Variants in MAP2 observed in about 807,000 individuals in gnomAD.
The protein encoded by MAP2 is microtubule-associated protein 2.
Under a neutral mutation model 137.6 loss-of-function variants are expected in MAP2, and 14 were observed. That is an observed-to-expected ratio of 0.10 (90% CI 0.07 to 0.16). The LOEUF (loss-of-function observed/expected upper bound fraction) is 0.16. MAP2 is among the 10% of genes least tolerant of loss of function. The pLI is 1.00. For missense variants in MAP2, 2,088 were observed against 2,191.5 expected (o/e 0.95, Z 0.94); for synonymous variants, 786 against 782.3 (o/e 1.00, Z -0.08).
intron 1 of MAP2, among the ~76,000 whole-genome samples, chr2:209,449,208 C>A (rs959881272): frequency 6.6e-6 from 1 of 152,168 alleles, no homozygotes; most frequent in African/African-American, 2.4e-5. Context: ...ACTGTATCAC[C>A]TAGCACACTG....
chr2:209,559,236 C>T (rs192628529), intron 2 of MAP2, among the ~76,000 whole-genome samples: 275 of 152,058 alleles, frequency 1.8e-3, no homozygotes, highest in African/African-American at 6.4e-3. Flanking sequence ...TCCTTCCCTC[C>T]CTCCCTCTGT....
intron 5 of MAP2, among the ~76,000 whole-genome samples, chr2:209,676,693 C>T (rs2051689311): frequency 7.7e-6 from 1 of 129,064 alleles, no homozygotes; most frequent in South Asian, 2.5e-4. Flanking sequence ...TAGAAAGATG[C>T]AGGAATGATC....
intron 4 of MAP2, among the ~76,000 whole-genome samples, chr2:209,642,428 GAA>G (rs202048552): frequency 2.6e-5 from 3 of 114,950 alleles, no homozygotes; most frequent in Non-Finnish European, 1.8e-5. Flanking sequence ...CCCTGTCTTT[GAA>G]AAAAAAAAAA....
chr2:209,455,842 C>T (rs976890529), intron 1 of MAP2, among the ~76,000 whole-genome samples: 2 of 152,090 alleles, frequency 1.3e-5, no homozygotes, highest in Non-Finnish European at 2.9e-5. Flanking sequence ...ACTGACTGAC[C>T]CACATTATCC....
intron 2 of MAP2, among the ~76,000 whole-genome samples, chr2:209,523,132 T>C (rs184719388): frequency 6.6e-6 from 1 of 152,260 alleles, no homozygotes; most frequent in Admixed American, 6.5e-5. Context: ...TAGGAGTGAA[T>C]GCTTAGACCT....
At position 209,697,031 on chromosome 2, in the gene MAP2, G is replaced by C; in HGVS notation, c.4502G>C (p.Cys1501Ser). 6.2e-7 allele frequency: 1 copy of C among 1,602,070 alleles called. No individual in the cohort carries two copies. The highest frequency in any genetic ancestry group is 1.1e-5 in the South Asian group (1 of 87,736). ...IKYTRPTHLS[C>S]VKRKTTAAGG... The stretch of plus-strand genomic sequence containing the variant: ...TATACTAGACCAACTCATCTCTCCT[G>C]TGTTAAGCGGAAAACCACAGGTGAC... Residue 1501 changes from cysteine to serine, a missense_variant, in exon 10 of 16, where the codon TGT becomes TCT. Transcript: ENST00000682079.
chr2:209,725,347 A>G (rs2073496107), intron 13 of MAP2, among the ~76,000 whole-genome samples: 1 of 152,218 alleles, frequency 6.6e-6, no homozygotes, highest in South Asian at 2.1e-4. Context: ...CTTTATAAAG[A>G]ATAATGCAGC....
At chr2:209,708,682 C>A (rs1157017489) in intron 12 of MAP2, among the ~76,000 whole-genome samples, 1 of 152,102 alleles carries the variant, frequency 6.6e-6, no homozygotes, top group Non-Finnish European at 1.5e-5. Flanking sequence ...TTATTCTCTA[C>A]AAAATTTCAG....
At chr2:209,680,598 T>C (rs2054137626) in intron 6 of MAP2, 152 bp from the exon 7 acceptor site, 1 of 639,486 alleles carries the variant, frequency 1.6e-6, no homozygotes, top group Non-Finnish European at 2.8e-6. Context: ...AATCAGGTAA[T>C]GGGCCTATAA....
intron 1 of MAP2, among the ~76,000 whole-genome samples, chr2:209,477,345 C>T (rs529565820): frequency 4.7e-4 from 72 of 151,588 alleles, no homozygotes; most frequent in African/African-American, 1.6e-3. Flanking sequence ...AAAAAAGCCA[C>T]AAAAATGAAA....
intron 3 of MAP2, among the ~76,000 whole-genome samples, chr2:209,603,304 C>T (rs1168922749): frequency 3.9e-5 from 6 of 152,144 alleles, no homozygotes; most frequent in Non-Finnish European, 4.4e-5. Context: ...ATGTTTCCCA[C>T]GAAAGATACC....
At chr2:209,476,303 C>T (rs182060113) in intron 1 of MAP2, among the ~76,000 whole-genome samples, 7 of 152,020 alleles carry the variant, frequency 4.6e-5, no homozygotes, top group African/African-American at 1.7e-4. Context: ...AATTAAACAT[C>T]TCAGTAAACC....
chr2:209,551,132 G>T (rs1338706252), intron 2 of MAP2, among the ~76,000 whole-genome samples: 1 of 152,088 alleles, frequency 6.6e-6, no homozygotes, highest in Non-Finnish European at 1.5e-5. Flanking sequence ...TGGGTACAAA[G>T]TTATAGGGCT....
intron 4 of MAP2, among the ~76,000 whole-genome samples, chr2:209,637,046 G>A (rs2093627668): frequency 6.6e-6 from 1 of 152,124 alleles, no homozygotes; most frequent in Admixed American, 6.6e-5. Context: ...ATCACAGAAT[G>A]CCAAATGAAA....
intron 2 of MAP2, among the ~76,000 whole-genome samples, chr2:209,575,157 G>T (rs1164009388): frequency 6.6e-6 from 1 of 152,122 alleles, no homozygotes; most frequent in Non-Finnish European, 1.5e-5. Flanking sequence ...AAGAGAGTAG[G>T]AGACAAGTCT....
intron 13 of MAP2, among the ~76,000 whole-genome samples, chr2:209,712,473 G>A (rs1214180423): frequency 2.6e-5 from 4 of 152,066 alleles, no homozygotes; most frequent in Non-Finnish European, 5.9e-5. Flanking sequence ...TGATGACTTT[G>A]GAAAAAATCC....
chr2:209,700,839 A>T (rs2061576651), intron 11 of MAP2, among the ~76,000 whole-genome samples: 1 of 152,158 alleles, frequency 6.6e-6, no homozygotes, highest in African/African-American at 2.4e-5. Context: ...CTATACATTT[A>T]TAGGCTTAAC....
chr2:209,541,370 T>A (rs573278245), intron 2 of MAP2, among the ~76,000 whole-genome samples: 1 of 151,404 alleles, frequency 6.6e-6, no homozygotes, highest in Non-Finnish European at 1.5e-5. Flanking sequence ...ATAGTCTTGT[T>A]GATGAAGGGT....
intron 4 of MAP2, among the ~76,000 whole-genome samples, chr2:209,643,759 G>A (rs1241580545): frequency 6.6e-6 from 1 of 152,088 alleles, no homozygotes; most frequent in Non-Finnish European, 1.5e-5. Flanking sequence ...GTAGGATTAG[G>A]CACAACAGAG....
Sources: allele counts gnomAD v4.1 joint callset (sites outside exome capture counted in the v4.1 genomes callset), GRCh38; gene constraint gnomAD v4.1.1; transcripts MANE v1.5; gene names NCBI Gene and HGNC (gene_info 2026-07-23, HGNC 2026-07-21).